PDCD1LG2: variants seen among roughly 807,000 people sequenced by gnomAD.
PDCD1LG2 encodes B7 dendritic cell molecule.
Under a neutral mutation model 28.2 loss-of-function variants are expected in PDCD1LG2, and 32 were observed. The observed-to-expected ratio is 1.13, with a 90% CI of 0.86 to 1.52. PDCD1LG2 has a LOEUF of 1.52. Ranked by LOEUF, PDCD1LG2 falls within the 40% of genes most tolerant of loss-of-function variation. The probability of loss-of-function intolerance (pLI) is 0.00; values close to 1 mark genes in which losing one functional copy is unlikely to be tolerated. For synonymous variants in PDCD1LG2, 116 were observed against 120.2 expected, an observed-to-expected ratio of 0.97 and a Z score of 0.23; for missense variants, 385 against 323.8, an observed-to-expected ratio of 1.19 and a Z score of -1.45.
intron 5 of PDCD1LG2, among the ~76,000 whole-genome samples, chr9:5,560,508 C>T (rs374217254): frequency 6.6e-6 from 1 of 152,134 alleles, no homozygotes; most frequent in Non-Finnish European, 1.5e-5. Flanking sequence ...TCTTATGGTT[C>T]CCCAACACAT....
At chr9:5,552,293 G>C (rs563626645) in intron 4 of PDCD1LG2, among the ~76,000 whole-genome samples, 28 of 152,038 alleles carry the variant, frequency 1.8e-4, no homozygotes, top group Non-Finnish European at 3.8e-4. Context: ...TTTGCTCACT[G>C]GTCTGCCAAT....
chr9:5,556,233 G>T (rs142718249), intron 4 of PDCD1LG2, among the ~76,000 whole-genome samples: 2 of 152,298 alleles, frequency 1.3e-5, no homozygotes, highest in Non-Finnish European at 2.9e-5. Context: ...AAGACACTGA[G>T]GTAGGGACCT....
At chr9:5,516,433 C>T (rs1239679475) in intron 1 of PDCD1LG2, among the ~76,000 whole-genome samples, 1 of 152,170 alleles carries the variant, frequency 6.6e-6, no homozygotes, top group East Asian at 1.9e-4. Context: ...CCAGAAAAAG[C>T]ACTGTAAGTT....
intron 4 of PDCD1LG2, among the ~76,000 whole-genome samples, chr9:5,557,139 G>T (rs1305248199): frequency 6.6e-6 from 1 of 152,134 alleles, no homozygotes; most frequent in East Asian, 1.9e-4. Flanking sequence ...ACTTGTCAGT[G>T]GGGGAAAGAC....
At chr9:5,557,885 G>A (rs1291973219) in intron 5 of PDCD1LG2, 133 bp downstream of exon 5, 39 of 1,106,780 alleles carry the variant, frequency 3.5e-5, no homozygotes, top group Non-Finnish European at 4.7e-5. Flanking sequence ...CTTTGAGCTT[G>A]TCTTGATGAT....
chr9:5,521,572 T>C (rs1024922756), intron 1 of PDCD1LG2, among the ~76,000 whole-genome samples: 2 of 152,158 alleles, frequency 1.3e-5, no homozygotes, highest in African/African-American at 4.8e-5. Context: ...ATCTCACTGC[T>C]TGTAATCTTG....
chr9:5,558,120 C>T (rs541084604), intron 5 of PDCD1LG2, among the ~76,000 whole-genome samples: 2 of 152,278 alleles, frequency 1.3e-5, no homozygotes, highest in African/African-American at 2.4e-5. Context: ...CTGAGGATTC[C>T]TTCCATTTTC....
At position 5,557,654 on chromosome 9, in the gene PDCD1LG2, T is replaced by C. The variant is rs753290066; in HGVS notation, c.668T>C (p.Leu223Pro). Residue 223 changes from leucine (L) to proline (P), a missense_variant, in exon 5 of 7, where the codon CTT becomes CCT. Physicochemically the swap from Leu to Pro is moderately conservative, Grantham distance 98. Transcript: ENST00000397747. ...MEPRTHPTWL[L>P]HIFIPFCIIA... ...CCCAGGACCCATCCAACTTGGCTGC[T>C]TCACATTTTCATCCCCTTCTGCATC... 1 of 1,613,984 alleles carries C rather than the reference T, an allele frequency of 6.2e-7. No individual in the cohort carries two copies. Among genetic ancestry groups the C allele is most frequent in the East Asian group, 2.2e-5 (1 of 44,880 alleles).
intron 4 of PDCD1LG2, among the ~76,000 whole-genome samples, chr9:5,551,677 A>G (rs901260700): frequency 1.3e-5 from 2 of 152,184 alleles, no homozygotes; most frequent in African/African-American, 4.8e-5. Flanking sequence ...GCAGAAAGAA[A>G]AGTATCCAAT....
rs547252188 is a variant in PDCD1LG2, at chr9:5,569,426, G to T, written c.817-528G>T. Among the ~76,000 whole-genome samples the T allele has an allele frequency of 7.9e-5, 12 of 152,124 alleles. No individual in the cohort carries two copies. The highest frequency in any genetic ancestry group is 2.9e-4 in the African/African-American group (12 of 41,416). On this transcript the variant is annotated intron_variant, in intron 6 of 6. Transcript: ENST00000397747. This position sits in a 1 kb window ranked among gnomAD's most constrained non-coding sequence, Gnocchi z 4.1. Reference sequence around the variant, plus strand: ...CTATGGTCTTTAACAGAGGGACAAAGTCAACCCACAACTTGTCTGGGAGGT... The same window carrying T: ...CTATGGTCTTTAACAGAGGGACAAATTCAACCCACAACTTGTCTGGGAGGT...
rs1487836236 is a variant in PDCD1LG2, at chr9:5,532,466, T to C, written c.56-2279T>C. Among the ~76,000 whole-genome samples, 5 of 152,196 alleles carry C rather than the reference T, an allele frequency of 3.3e-5. No homozygotes were observed. In the South Asian group the frequency reaches 1.0e-3, roughly 32 times the overall value. ...TTGATGAAAGGAAAGCAGAGGTGAA[T>C]ATATAACCAGGGTCATCCTTTCTTT... On this transcript the variant is annotated intron_variant, in intron 2 of 6. Transcript: ENST00000397747.
At chr9:5,532,071 G>A (rs1820493936) in intron 2 of PDCD1LG2, among the ~76,000 whole-genome samples, 1 of 152,182 alleles carries the variant, frequency 6.6e-6, no homozygotes, top group Non-Finnish European at 1.5e-5. Context: ...ATTCTGAGGT[G>A]AGAGCTATTC....
intron 2 of PDCD1LG2, among the ~76,000 whole-genome samples, chr9:5,530,211 C>T (rs575456991): frequency 2.6e-5 from 4 of 152,266 alleles, no homozygotes; most frequent in African/African-American, 9.6e-5. Flanking sequence ...TGAAATGCAT[C>T]AAGCTAGGTG....
chr9:5,554,877 A>T (rs1056484897), intron 4 of PDCD1LG2, among the ~76,000 whole-genome samples: 3 of 152,202 alleles, frequency 2.0e-5, no homozygotes, highest in Non-Finnish European at 4.4e-5. Flanking sequence ...TATCCTACTT[A>T]GCCACTCTAG....
intron 2 of PDCD1LG2, among the ~76,000 whole-genome samples, chr9:5,528,918 C>T (rs1820430606): frequency 6.6e-6 from 1 of 152,040 alleles, no homozygotes; most frequent in Non-Finnish European, 1.5e-5. Context: ...TCAGTAGAGT[C>T]GGGGTTTCAC....
rs116976101 is a variant in PDCD1LG2, at chr9:5,563,859, T to G, written c.816+648T>G. ...TCCATCTTTTCTGGGAAACCTCAGT[T>G]TTTTGCTCTTAAGGCCCTCAACTGA... is the stretch of plus-strand genomic sequence containing the variant. On this transcript the variant is annotated intron_variant, in intron 6 of 6. Transcript: ENST00000397747. 1.3e-3 allele frequency among the ~76,000 whole-genome samples: 202 copies of G among 152,294 alleles called. 1 individual carries two copies. The highest frequency in any genetic ancestry group is 2.4e-3 in the Non-Finnish European group (160 of 68,022).
chr9:5,516,937 G>A (rs1007220430), intron 1 of PDCD1LG2, among the ~76,000 whole-genome samples: 1 of 152,218 alleles, frequency 6.6e-6, no homozygotes, highest in East Asian at 1.9e-4. Flanking sequence ...GGCAGCTACA[G>A]GGGTGCCTGG....
At chr9:5,563,132 T>C (rs2129946339) in intron 5 of PDCD1LG2, 30 bp from the exon 6 acceptor site, 1 of 1,547,130 alleles carries the variant, frequency 6.5e-7, no homozygotes, top group Admixed American at 1.7e-5. Context: ...TCATTAATCT[T>C]ATTCCATTTC....
chr9:5,564,514 C>G (rs533941809), intron 6 of PDCD1LG2, among the ~76,000 whole-genome samples: 95 of 152,280 alleles, frequency 6.2e-4, no homozygotes, highest in South Asian at 3.5e-3. Context: ...TATCTAATAT[C>G]TTATTTTCTT....
Sources: allele counts gnomAD v4.1 joint callset (sites outside exome capture counted in the v4.1 genomes callset), GRCh38; gene constraint gnomAD v4.1.1; non-coding constraint Gnocchi (gnomAD v3.1); transcripts MANE v1.5; gene names NCBI Gene and HGNC (gene_info 2026-07-23, HGNC 2026-07-21).